The following FUT9 variants were observed in gnomAD, a reference collection of about 807,000 sequenced individuals.
FUT9 encodes 4-galactosyl-N-acetylglucosaminide 3-alpha-L-fucosyltransferase 9.
In FUT9, 15 loss-of-function variants were observed where a neutral mutation model predicts 29.7. The ratio of observed to expected loss-of-function variants is 0.51; its 90% confidence interval spans 0.34 to 0.78. The LOEUF is 0.78. Ranked by LOEUF, FUT9 falls within the 30% of genes least tolerant of loss-of-function variation. FUT9 has a pLI of 0.01. For missense variants in FUT9, 319 were observed against 425.4 expected (o/e 0.75, Z 2.20); for synonymous variants, 169 against 153.7 (o/e 1.10, Z -0.74).
rs1773980216 is a variant in FUT9, at chr6:96,213,586, A to G, written c.*9351A>G. ...TCGTGTTATTTCTGATAAGAATTTA[A>G]TTGCATTGTGCTAATAGTTGTTTAT... On this transcript the variant is annotated 3_prime_UTR_variant, in exon 3 of 3. Coordinates refer to ENST00000302103, the MANE Select transcript of FUT9 (RefSeq NM_006581.4). 6.0e-6 allele frequency: 1 copy of G among 166,914 alleles called. No homozygotes were observed. Among genetic ancestry groups the G allele is most frequent in the Non-Finnish European group, 1.5e-5 (1 of 68,040 alleles). 10.3% of individuals were successfully genotyped at this position (166,914 alleles called of 1,614,324 possible).
chr6:96,148,651 A>C (rs767400114), intron 2 of FUT9, among the ~76,000 whole-genome samples: 2 of 152,218 alleles, frequency 1.3e-5, no homozygotes, highest in Non-Finnish European at 2.9e-5. Flanking sequence ...CCTGAGGTTT[A>C]TATTACTCCA....
chr6:96,161,278 G>T (rs1468430093), intron 2 of FUT9, among the ~76,000 whole-genome samples: 2 of 152,052 alleles, frequency 1.3e-5, no homozygotes, highest in African/African-American at 4.8e-5. Context: ...TATAAAATAG[G>T]CTCAAGGAAC....
At chr6:96,075,123 G>T (rs1466070144) in intron 1 of FUT9, among the ~76,000 whole-genome samples, 1 of 151,942 alleles carries the variant, frequency 6.6e-6, no homozygotes, top group African/African-American at 2.4e-5. Context: ...GTATTATATA[G>T]ATGTGTGTGT....
rs1773816465 is a variant in FUT9 at position 96,205,740 on chromosome 6, T to A, written c.*1505T>A. The stretch of plus-strand genomic sequence containing the variant: ...CCAATAATCCACCCAAAAATTAGAA[T>A]GTTCTGAGACATCCATTTGGGTCTA... On this transcript the variant is annotated 3_prime_UTR_variant, in exon 3 of 3. Coordinates refer to ENST00000302103, the MANE Select transcript of FUT9 (RefSeq NM_006581.4). 6.0e-6 allele frequency: 1 copy of A among 166,582 alleles called. No homozygotes were observed. Among genetic ancestry groups the A allele is most frequent in the Non-Finnish European group, 1.5e-5 (1 of 68,104 alleles). The allele number at this position is 166,582 out of a possible 1,614,324, so 10.3% of individuals were successfully genotyped here.
intron 1 of FUT9, among the ~76,000 whole-genome samples, chr6:96,107,195 T>A (rs904824736): frequency 6.6e-6 from 1 of 152,142 alleles, no homozygotes; most frequent in Non-Finnish European, 1.5e-5. Flanking sequence ...CCATAAAAAA[T>A]TATTCATACA....
At chr6:96,076,911 CTT>C (rs1381677080) in intron 1 of FUT9, among the ~76,000 whole-genome samples, 1 of 152,078 alleles carries the variant, frequency 6.6e-6, no homozygotes, top group Non-Finnish European at 1.5e-5. Flanking sequence ...AATAAGGAAA[CTT>C]TGATTATTAG....
In FUT9 at chr6:96,029,668, T is replaced by C. The variant is rs369182575; in HGVS notation, c.-98+13456T>C. Among the ~76,000 whole-genome samples the C allele has an allele frequency of 4.6e-5, 7 of 151,658 alleles. 1 individual carries two copies. The highest frequency in any genetic ancestry group is 7.2e-5 in the African/African-American group (3 of 41,468). On this transcript the variant is annotated intron_variant, in intron 1 of 2. Coordinates refer to ENST00000302103, the MANE Select transcript of FUT9 (RefSeq NM_006581.4). ...CATTTAATTGACAAATTATAAGATA[T>C]ACAAAAATTTAAAGAAAGAAAAACG...
chr6:96,172,312 G>A lies in FUT9; in HGVS notation c.-8-30836G>A, dbSNP rs140435352. The stretch of plus-strand genomic sequence containing the variant: ...AAACATTCAGTCCATTGTAATCTGC[G>A]TGAGCTAACTTGAATGAAAAATTTC... On this transcript the variant is annotated intron_variant, in intron 2 of 2. Transcript: ENST00000302103. Among the ~76,000 whole-genome samples the A allele has an allele frequency of 4.6e-5, 7 of 152,272 alleles. No individual in the cohort carries two copies. In the East Asian group the frequency reaches 1.4e-3, roughly 29 times the overall value.
At chr6:96,132,879 A>G (rs1326641931) in intron 2 of FUT9, among the ~76,000 whole-genome samples, 2 of 152,068 alleles carry the variant, frequency 1.3e-5, no homozygotes, top group African/African-American at 4.8e-5. Context: ...AATACACAAA[A>G]AGCATATTAT....
chr6:96,090,502 A>G (rs896650378), intron 1 of FUT9, among the ~76,000 whole-genome samples: 18 of 151,926 alleles, frequency 1.2e-4, no homozygotes, highest in African/African-American at 4.1e-4. Flanking sequence ...AAATTTTACT[A>G]TTTATATAGT....
At chr6:96,053,871 ATATT>A (rs1176134820) in intron 1 of FUT9, among the ~76,000 whole-genome samples, 2 of 152,288 alleles carry the variant, frequency 1.3e-5, no homozygotes, top group South Asian at 4.1e-4. Flanking sequence ...ATTGTATATA[ATATT>A]TATTTATAGT....
chr6:96,035,847 TATTATGTTTATTATATTA>T (rs1770350492), intron 1 of FUT9, among the ~76,000 whole-genome samples: 1 of 126,828 alleles, frequency 7.9e-6, no homozygotes, highest in Admixed American at 8.8e-5. Flanking sequence ...TAATATAATA[TATTATGTTTATTATATTA>T]ATATAATATA....
At chr6:96,115,595 A>G (rs1771895538) in intron 2 of FUT9, among the ~76,000 whole-genome samples, 1 of 152,232 alleles carries the variant, frequency 6.6e-6, no homozygotes, top group Non-Finnish European at 1.5e-5. Flanking sequence ...TCAAGTGCTC[A>G]GCTGTCTCAT....
At chr6:96,167,086 T>C (rs1773028501) in intron 2 of FUT9, among the ~76,000 whole-genome samples, 1 of 152,192 alleles carries the variant, frequency 6.6e-6, no homozygotes, top group African/African-American at 2.4e-5. Flanking sequence ...ATTAAATGCT[T>C]TCATTACTGA....
At chr6:96,166,993 C>G (rs1396004227) in intron 2 of FUT9, among the ~76,000 whole-genome samples, 3 of 152,096 alleles carry the variant, frequency 2.0e-5, no homozygotes, top group Non-Finnish European at 4.4e-5. Context: ...TATTCTCAAT[C>G]CACTGTCAGT....
chr6:96,195,551 G>C (rs991379131), intron 2 of FUT9, among the ~76,000 whole-genome samples: 21 of 152,200 alleles, frequency 1.4e-4, no homozygotes, highest in African/African-American at 4.8e-4. Flanking sequence ...TGGGAACTTA[G>C]AGGAGGAATG....
intron 2 of FUT9, among the ~76,000 whole-genome samples, chr6:96,131,323 T>C (rs1381072575): frequency 6.6e-6 from 1 of 152,038 alleles, no homozygotes; most frequent in African/African-American, 2.4e-5. Flanking sequence ...TAGCTTGATT[T>C]TTCTCATTTT....
Position 96,213,365 on chromosome 6 carries a change from C to A in FUT9, c.*9130C>A. 1 of 166,772 alleles carries A rather than the reference C, an allele frequency of 6.0e-6. No homozygotes were observed. The allele number at this position is 166,772 out of a possible 1,614,324, so 10.3% of individuals were successfully genotyped here. On this transcript the variant is annotated 3_prime_UTR_variant, in exon 3 of 3. Transcript: ENST00000302103. ...AAAATGACTTACATTCAAGGAAGGTCAAAACTATTATTCTGAAACAAAATG... is the reference window on the plus strand; with the variant it reads ...AAAATGACTTACATTCAAGGAAGGTAAAAACTATTATTCTGAAACAAAATG...
intron 1 of FUT9, among the ~76,000 whole-genome samples, chr6:96,069,191 T>C (rs1174688268): frequency 6.6e-6 from 1 of 152,062 alleles, no homozygotes; most frequent in Non-Finnish European, 1.5e-5. Context: ...GGCACGTGCC[T>C]GTAATCCCAG....
Sources: allele counts gnomAD v4.1 joint callset (sites outside exome capture counted in the v4.1 genomes callset), GRCh38; gene constraint gnomAD v4.1.1; transcripts MANE v1.5; gene names NCBI Gene and HGNC (gene_info 2026-07-23, HGNC 2026-07-21).